The following DLG2 variants were observed in gnomAD, a reference collection of about 807,000 sequenced individuals.
DLG2 encodes the protein disks large homolog 2.
DLG2 carries 45 observed loss-of-function variants against 132.5 expected under a neutral mutation model. The ratio of observed to expected loss-of-function variants is 0.34; its 90% CI spans 0.27 to 0.44. The LOEUF is 0.44. DLG2 is among the 20% of genes least tolerant of loss of function. The probability of loss-of-function intolerance (pLI) is 1.00; values close to 1 mark genes in which losing one functional copy is unlikely to be tolerated. For synonymous variants in DLG2, 424 were observed against 419.6 expected, an observed-to-expected ratio of 1.01 and a Z score of -0.13; for missense variants, 1,045 against 1,196.9, an observed-to-expected ratio of 0.87 and a Z score of 1.87.
chr11:83,945,047 T>A (rs1376079840), intron 14 of DLG2, among the ~76,000 whole-genome samples: 2 of 152,214 alleles, frequency 1.3e-5, no homozygotes. Context: ...TCTCAGTCAC[T>A]ATATGGTCAC....
At chr11:85,390,251 A>G (rs150669283) in intron 3 of DLG2, among the ~76,000 whole-genome samples, 1 of 152,226 alleles carries the variant, frequency 6.6e-6, no homozygotes, top group African/African-American at 2.4e-5. Flanking sequence ...AGTTGAAAAA[A>G]AAAGGAGAGA....
intron 6 of DLG2, among the ~76,000 whole-genome samples, chr11:84,925,259 C>A (rs112405810): frequency 0.02 from 2,999 of 152,104 alleles, 55 homozygotes; most frequent in Admixed American, 0.043. Flanking sequence ...CAGAACAGCT[C>A]GCAAGCAAGG....
chr11:85,494,033 G>C (rs1428951364), intron 3 of DLG2, among the ~76,000 whole-genome samples: 3 of 152,048 alleles, frequency 2.0e-5, no homozygotes, highest in Non-Finnish European at 4.4e-5. Context: ...TATGACAGGA[G>C]AGAAAGAAGG....
rs548604759 is a variant in DLG2, at chr11:85,189,036, T to C, written c.187-34385A>G. 1.3e-5 allele frequency among the ~76,000 whole-genome samples: 2 copies of C among 152,086 alleles called. 1 individual carries two copies. Among genetic ancestry groups the C allele is most frequent in the African/African-American group, 4.8e-5 (2 of 41,482 alleles). On this transcript the variant is annotated intron_variant, in intron 4 of 27. Coordinates refer to ENST00000376104, the MANE Select transcript of DLG2 (RefSeq NM_001142699.3). ...AAATGCAAAGCAATATCCATCTAAA[T>C]ACATCACAGAAAAACTGTTGAAAGA...
chr11:84,885,172 T>C (rs1006901189), intron 6 of DLG2, among the ~76,000 whole-genome samples: 10 of 152,096 alleles, frequency 6.6e-5, no homozygotes, highest in African/African-American at 1.9e-4. Context: ...CAGAGATCAG[T>C]ACCCTGGCAA....
intron 15 of DLG2, among the ~76,000 whole-genome samples, chr11:83,908,588 A>G (rs544814766): frequency 3.3e-4 from 50 of 152,290 alleles, no homozygotes; most frequent in African/African-American, 1.1e-3. Context: ...GATCAAATAT[A>G]GTGTCCTTTT....
At chr11:83,681,707 C>T (rs1019643157) in intron 18 of DLG2, 2 of 152,196 alleles carry the variant, frequency 1.3e-5, no homozygotes, top group African/African-American at 4.8e-5. Flanking sequence ...CAATTTGAAT[C>T]TTGCCTTGCA....
intron 8 of DLG2, among the ~76,000 whole-genome samples, chr11:84,242,864 A>G (rs2097250998): frequency 6.6e-6 from 1 of 152,180 alleles, no homozygotes; most frequent in Non-Finnish European, 1.5e-5. Flanking sequence ...TCATGTCTCC[A>G]TGTGAGCATA....
At chr11:83,926,390 A>G (rs1288390396) in intron 15 of DLG2, among the ~76,000 whole-genome samples, 1 of 152,164 alleles carries the variant, frequency 6.6e-6, no homozygotes, top group Non-Finnish European at 1.5e-5. Flanking sequence ...AATATGGGCA[A>G]GTTTCTGGAA....
chr11:83,670,918 A>G (rs2076724682), intron 18 of DLG2, among the ~76,000 whole-genome samples: 2 of 152,202 alleles, frequency 1.3e-5, no homozygotes, highest in Admixed American at 1.3e-4. Flanking sequence ...GTTTCTATAA[A>G]GAAACATTCT....
intron 4 of DLG2, among the ~76,000 whole-genome samples, chr11:85,229,320 G>T (rs2152637908): frequency 6.6e-6 from 1 of 152,044 alleles, no homozygotes. Flanking sequence ...CCATCAAAAA[G>T]TGGGCAAAGG....
chr11:83,873,929 C>T (rs921801321), intron 16 of DLG2, among the ~76,000 whole-genome samples: 2 of 152,186 alleles, frequency 1.3e-5, no homozygotes, highest in African/African-American at 4.8e-5. Flanking sequence ...AATGCTTACA[C>T]TGTATCACAA....
At chr11:85,465,716 T>A (rs2092766556) in intron 3 of DLG2, among the ~76,000 whole-genome samples, 1 of 152,168 alleles carries the variant, frequency 6.6e-6, no homozygotes, top group Non-Finnish European at 1.5e-5. Context: ...TGATGGACAT[T>A]TGGGTTGGTT....
chr11:85,282,962 C>T (rs1237062716), intron 4 of DLG2, among the ~76,000 whole-genome samples: 1 of 151,946 alleles, frequency 6.6e-6, no homozygotes, highest in Non-Finnish European at 1.5e-5. Flanking sequence ...TGGAGGTCAT[C>T]ATCCTTAGCC....
At chr11:85,415,035 A>C (rs1408841373) in intron 3 of DLG2, among the ~76,000 whole-genome samples, 1 of 151,858 alleles carries the variant, frequency 6.6e-6, no homozygotes, top group Non-Finnish European at 1.5e-5. Flanking sequence ...GACAGGCCCC[A>C]GTGTATGATG....
intron 6 of DLG2, among the ~76,000 whole-genome samples, chr11:84,774,612 T>C (rs1017446397): frequency 2.0e-5 from 3 of 151,978 alleles, no homozygotes; most frequent in Admixed American, 6.6e-5. Context: ...CATAGACCAA[T>C]GGGGCCGAGA....
intron 6 of DLG2, among the ~76,000 whole-genome samples, chr11:84,963,877 C>T (rs1224505809): frequency 6.6e-6 from 1 of 152,122 alleles, no homozygotes; most frequent in East Asian, 1.9e-4. Flanking sequence ...CTTGACTTTA[C>T]ACAGGGGAAA....
chr11:83,499,696 G>A (rs2094342360), intron 21 of DLG2, among the ~76,000 whole-genome samples: 1 of 149,532 alleles, frequency 6.7e-6, no homozygotes, highest in African/African-American at 2.5e-5. Context: ...GACTCGGACT[G>A]GCTCTCCTTG....
chr11:85,234,247 G>A (rs563056961), intron 4 of DLG2, among the ~76,000 whole-genome samples: 1 of 151,934 alleles, frequency 6.6e-6, no homozygotes, highest in Non-Finnish European at 1.5e-5. Flanking sequence ...AAAATACAGA[G>A]TATATATGGA....
Sources: allele counts gnomAD v4.1 joint callset (sites outside exome capture counted in the v4.1 genomes callset), GRCh38; gene constraint gnomAD v4.1.1; transcripts MANE v1.5; gene names NCBI Gene and HGNC (gene_info 2026-07-23, HGNC 2026-07-21).